NWD1: variants seen among roughly 807,000 people sequenced by gnomAD.
NWD1 encodes NACHT and WD repeat domain containing 1.
NWD1 carries 129 observed loss-of-function variants against 135.1 expected under a neutral mutation model. The ratio of observed to expected loss-of-function variants is 0.96; its 90% CI spans 0.83 to 1.11. The LOEUF is 1.11. Ranked by LOEUF, NWD1 falls within the 50% of genes least tolerant of loss-of-function variation. NWD1 has a pLI of 0.00. For missense variants in NWD1, 1,740 were observed against 1,851.3 expected (o/e 0.94, Z 1.10); for synonymous variants, 773 against 786.0 (o/e 0.98, Z 0.28).
At chr19:16,809,176 C>T (rs1022429511) in intron 18 of NWD1, among the ~76,000 whole-genome samples, 5 of 151,148 alleles carry the variant, frequency 3.3e-5, no homozygotes, top group Admixed American at 2.6e-4. Flanking sequence ...TGCAGCCTCC[C>T]GGGTTCAAGC....
At chr19:16,722,164 GGTGT>G (rs1967162095) in intron 1 of NWD1, among the ~76,000 whole-genome samples, 1 of 151,700 alleles carries the variant, frequency 6.6e-6, no homozygotes. Context: ...TAGGCATGGT[GGTGT>G]GTGCCTGTTA....
Position 16,802,949 on chromosome 19 carries a change from A to G in NWD1, c.3736+2787A>G, listed in dbSNP as rs964597620. 4.1e-5 allele frequency among the ~76,000 whole-genome samples: 6 copies of G among 145,784 alleles called. No individual in the cohort carries two copies. The Admixed American group carries it at 4.1e-4, about 10-fold the overall frequency. On this transcript the variant is annotated intron_variant, in intron 17 of 18. Transcript: ENST00000524140. Reference sequence around the variant, plus strand: ...TGGGCAAGAGTCAGACTCTGTCTCAAAAAAAAAAAAAAAAAAGACATACCT... The same window carrying G: ...TGGGCAAGAGTCAGACTCTGTCTCAGAAAAAAAAAAAAAAAAGACATACCT...
intron 4 of NWD1, among the ~76,000 whole-genome samples, chr19:16,739,517 C>T (rs113547052): frequency 3.0e-4 from 45 of 152,148 alleles, no homozygotes; most frequent in African/African-American, 9.2e-4. Flanking sequence ...CCTGACCAAC[C>T]GGCCCTGGGA....
chr19:16,762,973 G>A (rs952505037), intron 8 of NWD1, among the ~76,000 whole-genome samples: 5 of 151,868 alleles, frequency 3.3e-5, no homozygotes, highest in South Asian at 2.1e-4. Context: ...TAGTAGAGAC[G>A]GGGTTTTGCC....
At chr19:16,776,751 A>T (rs545952529) in intron 11 of NWD1, among the ~76,000 whole-genome samples, 1 of 143,868 alleles carries the variant, frequency 7.0e-6, no homozygotes, top group African/African-American at 2.6e-5. Context: ...CAACATAAGG[A>T]GACCTTGCCT....
chr19:16,725,548 C>CATTT (rs981627721), intron 2 of NWD1, among the ~76,000 whole-genome samples: 5 of 151,706 alleles, frequency 3.3e-5, no homozygotes, highest in African/African-American at 7.3e-5. Context: ...TTTTATTGTT[C>CATTT]ATTTATTTAT....
chr19:16,724,012 A>C (rs1224951245), intron 1 of NWD1, among the ~76,000 whole-genome samples: 2 of 152,048 alleles, frequency 1.3e-5, no homozygotes, highest in Admixed American at 1.3e-4. Flanking sequence ...ACCATTTTTA[A>C]ATTCTCTGAG....
chr19:16,783,323 C>T (rs1243293985), intron 12 of NWD1, among the ~76,000 whole-genome samples: 1 of 152,136 alleles, frequency 6.6e-6, no homozygotes, highest in African/African-American at 2.4e-5. Context: ...GCATAAGCCA[C>T]TGTACCTGTC....
intron 4 of NWD1, among the ~76,000 whole-genome samples, chr19:16,743,190 C>T (rs963830890): frequency 6.6e-6 from 1 of 151,226 alleles, no homozygotes; most frequent in African/African-American, 2.4e-5. Context: ...AGATTACAGG[C>T]GTGAGCCACC....
intron 6 of NWD1, among the ~76,000 whole-genome samples, chr19:16,751,424 AAAG>A (rs746049236): frequency 6.6e-6 from 1 of 151,406 alleles, no homozygotes; most frequent in African/African-American, 2.4e-5. Context: ...AGGAAGAGTG[AAAG>A]AAGGAAAGGA....
At position 16,750,083 on chromosome 19, in the gene NWD1, C is replaced by T. The variant is rs560363206; in HGVS notation, c.1441C>T (p.Arg481Trp). 6.2e-6 allele frequency: 10 copies of T among 1,614,026 alleles called. No individual in the cohort carries two copies. In the Admixed American group the frequency reaches 8.3e-5, roughly 13 times the overall value. ...GALGVLDTLQRVLLDPEAYWE... is the reference protein window; with the variant it reads ...GALGVLDTLQWVLLDPEAYWE... ...ACTGGGGGTTTTGGACACCTTGCAG[C>T]GGGTGCTCCTGGACCCGGAGGCCTA... The change falls in exon 6 of 19, where the codon CGG becomes TGG. Residue 481 changes from arginine to tryptophan, a missense_variant. Coordinates refer to ENST00000524140, the MANE Select transcript of NWD1 (RefSeq NM_001007525.5).
At chr19:16,735,503 C>A (rs1967755568) in intron 3 of NWD1, among the ~76,000 whole-genome samples, 1 of 150,282 alleles carries the variant, frequency 6.7e-6, no homozygotes, top group South Asian at 2.1e-4. Flanking sequence ...AAGACTCTGT[C>A]CCCCTGACCA....
Position 16,815,077 on chromosome 19 carries a change from C to G in NWD1, c.*38C>G, listed in dbSNP as rs764890433. ...TCCATGCTGTGGTAAACAGAATCAT[C>G]CCAACCACCAGTGGCTTCATTGCCC... On this transcript the variant is annotated 3_prime_UTR_variant, in exon 19 of 19. Coordinates refer to ENST00000524140, the MANE Select transcript of NWD1 (RefSeq NM_001007525.5). 6.2e-7 allele frequency: 1 copy of G among 1,608,694 alleles called. No individual in the cohort carries two copies. The highest frequency in any genetic ancestry group is 8.5e-7 in the Non-Finnish European group (1 of 1,175,042).
chr19:16,791,704 C>T, intron 14 of NWD1, 82 bp downstream of exon 14: 2 of 1,369,782 alleles, frequency 1.5e-6, no homozygotes. Flanking sequence ...GAAAAATAAT[C>T]TTGCCTTGTA....
chr19:16,809,736 T>C (rs1000174586), intron 18 of NWD1, among the ~76,000 whole-genome samples: 2 of 151,858 alleles, frequency 1.3e-5, no homozygotes, highest in Non-Finnish European at 2.9e-5. Flanking sequence ...TTTGTATTTT[T>C]TTGGTAGAGA....
At chr19:16,793,135 C>A (rs535157256) in intron 14 of NWD1, among the ~76,000 whole-genome samples, 1 of 152,150 alleles carries the variant, frequency 6.6e-6, no homozygotes, top group South Asian at 2.1e-4. Context: ...AACCTCATGA[C>A]CTGTGGTCTT....
At position 16,749,687 on chromosome 19, in the gene NWD1, G is replaced by A; in HGVS notation, c.1045G>A (p.Ala349Thr). 1 of 1,601,732 alleles carries A rather than the reference G, an allele frequency of 6.2e-7. No individual in the cohort carries two copies. Among genetic ancestry groups the A allele is most frequent in the Non-Finnish European group, 8.5e-7 (1 of 1,172,786 alleles). The change falls in exon 6 of 19, where the codon GCC (alanine) becomes ACC (threonine). Residue 349 changes from alanine to threonine, a missense_variant. By Grantham distance (58) the Ala-to-Thr change is moderately conservative. Transcript: ENST00000524140. Reference sequence around the variant, plus strand: ...TGGGCCCCCAGGCATTGGAAAGACAGCCCTGATGTGCAAGCTGGCTGAGCA... The same window carrying A: ...TGGGCCCCCAGGCATTGGAAAGACAACCCTGATGTGCAAGCTGGCTGAGCA... ...LFGPPGIGKT[A>T]LMCKLAEQMP...
At chr19:16,746,571 G>C (rs1441029596) in intron 5 of NWD1, among the ~76,000 whole-genome samples, 1 of 152,046 alleles carries the variant, frequency 6.6e-6, no homozygotes, top group African/African-American at 2.4e-5. Flanking sequence ...TACTCGGGAG[G>C]CTGAGGCAGG....
At chr19:16,734,653 T>C (rs1372442943) in intron 3 of NWD1, among the ~76,000 whole-genome samples, 1 of 151,712 alleles carries the variant, frequency 6.6e-6, no homozygotes, top group Non-Finnish European at 1.5e-5. Flanking sequence ...CACAGCTCAC[T>C]GCAGCTTTCT....
Sources: gnomAD v4.1 joint callset for allele counts (sites outside exome capture counted in the v4.1 genomes callset) on GRCh38, gnomAD v4.1.1 for gene constraint, MANE v1.5 for transcripts, NCBI Gene and HGNC (gene_info 2026-07-23, HGNC 2026-07-21) for gene names.